Variants in NEGR1 observed in about 807,000 individuals in gnomAD.
NEGR1 encodes the protein neuronal growth regulator 1.
A neutral mutation model predicts 40.9 loss-of-function variants in NEGR1; 10 were observed. The ratio of observed to expected loss-of-function variants is 0.24; its 90% CI spans 0.15 to 0.42. The LOEUF is 0.42. NEGR1 is among the 10% of genes least tolerant of loss of function. The pLI, the probability that NEGR1 is intolerant of heterozygous loss-of-function variation, is 1.00. For missense variants in NEGR1, 352 were observed against 438.9 expected, an observed-to-expected ratio of 0.80 and a Z score of 1.77; for synonymous variants, 185 against 166.8, an observed-to-expected ratio of 1.11 and a Z score of -0.84.
At chr1:72,035,956 G>T (rs1462781600) in intron 1 of NEGR1, among the ~76,000 whole-genome samples, 2 of 152,076 alleles carry the variant, frequency 1.3e-5, no homozygotes, top group Non-Finnish European at 2.9e-5. Flanking sequence ...TCGTTGTATT[G>T]TAATAGTTTC....
chr1:71,597,909 T>A (rs1019018196), intron 5 of NEGR1, among the ~76,000 whole-genome samples: 1 of 151,048 alleles, frequency 6.6e-6, no homozygotes, highest in African/African-American at 2.5e-5. Context: ...TGAGACTCCA[T>A]CCCAAAATTA....
intron 2 of NEGR1, among the ~76,000 whole-genome samples, chr1:71,884,595 T>G (rs976463661): frequency 5.9e-5 from 9 of 152,176 alleles, no homozygotes. Flanking sequence ...TTATTCCCAG[T>G]AAGAAACAAA....
chr1:71,921,469 C>T (rs1374893551), intron 2 of NEGR1, among the ~76,000 whole-genome samples: 1 of 151,998 alleles, frequency 6.6e-6, no homozygotes, highest in Non-Finnish European at 1.5e-5. Flanking sequence ...TCTTCTTTCT[C>T]CTCTGCTTTA....
intron 3 of NEGR1, among the ~76,000 whole-genome samples, chr1:71,738,843 T>C (rs1333499065): frequency 1.3e-5 from 2 of 152,162 alleles, no homozygotes; most frequent in Non-Finnish European, 2.9e-5. Context: ...TCCCTACTGT[T>C]TTCTGTTTTA....
At chr1:71,923,181 G>A (rs1265015247) in intron 2 of NEGR1, among the ~76,000 whole-genome samples, 1 of 152,042 alleles carries the variant, frequency 6.6e-6, no homozygotes, top group Non-Finnish European at 1.5e-5. Context: ...ATATTTTCAT[G>A]GAGCTTTTCA....
chr1:71,610,592 A>G (rs535453171), intron 5 of NEGR1, among the ~76,000 whole-genome samples: 64 of 152,352 alleles, frequency 4.2e-4, no homozygotes, highest in Middle Eastern at 6.8e-3. Context: ...ACAAAATGTT[A>G]AACTATCTTG....
At chr1:71,654,327 C>T (rs886788360) in intron 4 of NEGR1, among the ~76,000 whole-genome samples, 1 of 152,096 alleles carries the variant, frequency 6.6e-6, no homozygotes, top group African/African-American at 2.4e-5. Context: ...AAGAGTGAAC[C>T]TAATACTTGA....
chr1:71,807,215 A>T (rs1209003223), intron 2 of NEGR1, among the ~76,000 whole-genome samples: 1 of 152,126 alleles, frequency 6.6e-6, no homozygotes, highest in Non-Finnish European at 1.5e-5. Context: ...TATTTTTAAA[A>T]TAAATACTGT....
intron 1 of NEGR1, among the ~76,000 whole-genome samples, chr1:72,008,518 T>C (rs952930955): frequency 1.3e-5 from 2 of 152,134 alleles, no homozygotes; most frequent in African/African-American, 2.4e-5. Flanking sequence ...AATACCTATC[T>C]ATTGGGCTGC....
intron 2 of NEGR1, among the ~76,000 whole-genome samples, chr1:71,868,467 ACAGAATAC>A (rs1240531288): frequency 4.3e-5 from 3 of 69,960 alleles, no homozygotes; most frequent in African/African-American, 1.7e-4. Flanking sequence ...AGATAGATAG[ACAGAATAC>A]ATACATACAT....
At chr1:71,919,307 G>C (rs577128176) in intron 2 of NEGR1, among the ~76,000 whole-genome samples, 1 of 152,174 alleles carries the variant, frequency 6.6e-6, no homozygotes, top group African/African-American at 2.4e-5. Flanking sequence ...ATATACCAAG[G>C]CTCGTTATCC....
At chr1:72,072,770 A>T (rs1318212813) in intron 1 of NEGR1, among the ~76,000 whole-genome samples, 2 of 151,966 alleles carry the variant, frequency 1.3e-5, no homozygotes, top group Non-Finnish European at 2.9e-5. Flanking sequence ...TAGAAAGAGA[A>T]CTCCCTTTGT....
intron 2 of NEGR1, among the ~76,000 whole-genome samples, chr1:71,808,320 T>C (rs1657855402): frequency 6.6e-6 from 1 of 152,150 alleles, no homozygotes; most frequent in Non-Finnish European, 1.5e-5. Context: ...TTTTACATTC[T>C]GTTTGAAATA....
intron 2 of NEGR1, among the ~76,000 whole-genome samples, chr1:71,873,757 G>A (rs1261070955): frequency 1.3e-5 from 2 of 152,056 alleles, no homozygotes; most frequent in African/African-American, 4.8e-5. Context: ...AGCTGTAGTG[G>A]GTGTTACTGT....
intron 2 of NEGR1, among the ~76,000 whole-genome samples, chr1:71,796,148 C>T (rs1239469244): frequency 6.6e-6 from 1 of 152,164 alleles, no homozygotes; most frequent in Non-Finnish European, 1.5e-5. Flanking sequence ...AATCTCCTGA[C>T]CTCTCTACCA....
At chr1:71,595,541 T>G (rs1649669114) in intron 5 of NEGR1, among the ~76,000 whole-genome samples, 1 of 152,126 alleles carries the variant, frequency 6.6e-6, no homozygotes, top group Admixed American at 6.5e-5. Flanking sequence ...CCTGGAGAGT[T>G]CTGGGGTATG....
At chr1:72,132,423 T>C (rs1266210086) in intron 1 of NEGR1, among the ~76,000 whole-genome samples, 1 of 152,160 alleles carries the variant, frequency 6.6e-6, no homozygotes, top group African/African-American at 2.4e-5. Context: ...AAAATAAGCA[T>C]GTTGAAAGTT....
At chr1:72,157,358 C>T (rs771342980) in intron 1 of NEGR1, among the ~76,000 whole-genome samples, 1 of 152,106 alleles carries the variant, frequency 6.6e-6, no homozygotes, top group African/African-American at 2.4e-5. Flanking sequence ...TTTATTCATA[C>T]ATCAGTGATA....
intron 3 of NEGR1, among the ~76,000 whole-genome samples, chr1:71,760,276 C>T (rs1470972133): frequency 6.6e-6 from 1 of 152,024 alleles, no homozygotes; most frequent in Non-Finnish European, 1.5e-5. Context: ...TCAAGAGGCC[C>T]ATTGTTCTGG....
Sources: allele counts gnomAD v4.1 joint callset (sites outside exome capture counted in the v4.1 genomes callset), GRCh38; gene constraint gnomAD v4.1.1; transcripts MANE v1.5; gene names NCBI Gene and HGNC (gene_info 2026-07-23, HGNC 2026-07-21).